CHRNB3: variants seen among roughly 807,000 people sequenced by gnomAD.
The protein encoded by CHRNB3 is neuronal acetylcholine receptor subunit beta-3.
CHRNB3 carries 37 observed loss-of-function variants against 40.6 expected under a neutral mutation model. The observed-to-expected ratio is 0.91, with a 90% CI of 0.70 to 1.20. CHRNB3 has a LOEUF of 1.20. Ranked by LOEUF, CHRNB3 falls within the 50% of genes most tolerant of loss-of-function variation. CHRNB3 has a pLI of 0.00. For synonymous variants in CHRNB3, 207 were observed against 207.1 expected, an observed-to-expected ratio of 1.00 and a Z score of 0.00; for missense variants, 505 against 551.2, an observed-to-expected ratio of 0.92 and a Z score of 0.84.
chr8:42,724,797 G>A (rs574626777), intron 3 of CHRNB3, among the ~76,000 whole-genome samples: 6 of 152,074 alleles, frequency 3.9e-5, no homozygotes, highest in Admixed American at 2.0e-4. Context: ...TGGCCAACAC[G>A]GTGAAACCCC....
intron 5 of CHRNB3, among the ~76,000 whole-genome samples, chr8:42,735,824 G>A (rs1353227040): frequency 6.6e-6 from 1 of 152,074 alleles, no homozygotes; most frequent in African/African-American, 2.4e-5. Context: ...CAGCACAGGT[G>A]GAGTGGAAGA....
chr8:42,699,222 A>G (rs1815733605), intron 1 of CHRNB3, among the ~76,000 whole-genome samples: 1 of 152,236 alleles, frequency 6.6e-6, no homozygotes, highest in South Asian at 2.1e-4. Context: ...TTTGGTAAAA[A>G]GGAGCCTTGG....
chr8:42,713,338 C>T (rs975118027), intron 3 of CHRNB3, among the ~76,000 whole-genome samples: 1 of 152,004 alleles, frequency 6.6e-6, no homozygotes, highest in Non-Finnish European at 1.5e-5. Context: ...AAGGACTTCC[C>T]ACAAAGTGTG....
chr8:42,731,914 A>G lies in CHRNB3; in HGVS notation c.607A>G (p.Ile203Val). Residue 203 changes from isoleucine (I) to valine (V), a missense_variant, in exon 5 of 6, where the codon ATA becomes GTA. By Grantham distance (29) the Ile-to-Val change is conservative (BLOSUM62 3). Coordinates refer to ENST00000289957, the MANE Select transcript of CHRNB3 (RefSeq NM_000749.5). Reference protein sequence around the residue: ...KDFFDNGEWEILNAKGMKGNR... With the variant: ...KDFFDNGEWEVLNAKGMKGNR... ...CTTCTTCGATAACGGAGAATGGGAA[A>G]TACTGAACGCAAAGGGGATGAAGGG... The G allele has an allele frequency of 1.9e-6, 3 of 1,614,178 alleles. No homozygotes were observed. Among genetic ancestry groups the G allele is most frequent in the African/African-American group, 2.7e-5 (2 of 75,030 alleles).
At chr8:42,698,680 G>A (rs1209084867) in intron 1 of CHRNB3, among the ~76,000 whole-genome samples, 1 of 152,182 alleles carries the variant, frequency 6.6e-6, no homozygotes, top group Non-Finnish European at 1.5e-5. Flanking sequence ...ACTTTTCAAA[G>A]TCTTGAATGC....
At position 42,731,931 on chromosome 8, in the gene CHRNB3, G is replaced by A; in HGVS notation, c.624G>A (p.Gly208=). The change falls in exon 5 of 6, where the codon GGG becomes GGA. Residue 208 remains glycine (G), a synonymous_variant. Transcript: ENST00000289957. ...AATGGGAAATACTGAACGCAAAGGG[G>A]ATGAAGGGGAACAGAAGGGACGGCG... ...NGEWEILNAK[G]MKGNRRDGVY... is the part of the protein sequence containing the mutation. 5.6e-6 allele frequency: 9 copies of A among 1,614,172 alleles called. No homozygotes were observed. Among genetic ancestry groups the A allele is most frequent in the Non-Finnish European group, 7.6e-6 (9 of 1,180,046 alleles).
At chr8:42,727,733 TGCACCTGTA>T (rs1455579586) in intron 3 of CHRNB3, among the ~76,000 whole-genome samples, 3 of 152,058 alleles carry the variant, frequency 2.0e-5, no homozygotes, top group Non-Finnish European at 4.4e-5. Flanking sequence ...CATGGTGGTG[TGCACCTGTA>T]GTCTCAGCTA....
At chr8:42,735,875 T>A (rs946806608) in intron 5 of CHRNB3, among the ~76,000 whole-genome samples, 1 of 152,130 alleles carries the variant, frequency 6.6e-6, no homozygotes, top group Admixed American at 6.5e-5. Context: ...ACTCTTAAAT[T>A]ATAAACTTGT....
chr8:42,731,727 T>A lies in CHRNB3; in HGVS notation c.420T>A (p.Thr140=), dbSNP rs1336401437. 1 of 1,613,946 alleles carries A rather than the reference T, an allele frequency of 6.2e-7. No homozygotes were observed. The highest frequency in any genetic ancestry group is 2.2e-5 in the East Asian group (1 of 44,894). Residue 140 remains threonine (T), a synonymous_variant, in exon 5 of 6, where the codon ACT becomes ACA. Transcript: ENST00000289957. ...AGGTCATCGTGAAATCAAACGGAAC[T>A]GTTGTCTGGACCCCTCCCGCCAGCT... ...MTKVIVKSNG[T]VVWTPPASYK...
At chr8:42,704,879 C>T (rs2128904671) in intron 1 of CHRNB3, among the ~76,000 whole-genome samples, 1 of 152,270 alleles carries the variant, frequency 6.6e-6, no homozygotes, top group Admixed American at 6.5e-5. Context: ...GCCATCAGGG[C>T]TGTGTTCAGA....
chr8:42,723,326 T>C (rs1301229561), intron 3 of CHRNB3, among the ~76,000 whole-genome samples: 1 of 152,196 alleles, frequency 6.6e-6, no homozygotes, highest in African/African-American at 2.4e-5. Context: ...TTTTCTGTTC[T>C]ATCATTGTTT....
intron 1 of CHRNB3, among the ~76,000 whole-genome samples, chr8:42,703,458 A>ATATATATATATATATATATATATG (rs1563606411): frequency 1.6e-4 from 20 of 123,756 alleles, no homozygotes; most frequent in South Asian, 2.8e-4. Context: ...ATATATATAT[A>ATATATATATATATATATATATATG]TATGTATCCA....
intron 1 of CHRNB3, among the ~76,000 whole-genome samples, chr8:42,706,947 CA>C (rs777777408): frequency 5.9e-5 from 9 of 151,976 alleles, no homozygotes; most frequent in Non-Finnish European, 7.4e-5. Flanking sequence ...TTTTGTAATA[CA>C]GGGTCTTCCT....
chr8:42,733,454 G>A (rs535394183), intron 5 of CHRNB3, among the ~76,000 whole-genome samples: 2 of 152,126 alleles, frequency 1.3e-5, no homozygotes, highest in South Asian at 4.2e-4. Context: ...ATCCTACCTT[G>A]AAAAGTTTGT....
chr8:42,713,008 C>T (rs1034901163), intron 3 of CHRNB3, among the ~76,000 whole-genome samples: 21 of 151,930 alleles, frequency 1.4e-4, no homozygotes, highest in Admixed American at 1.1e-3. Context: ...ACTACAGGCA[C>T]GTGCCACCAT....
At chr8:42,723,803 A>G (rs1002839717) in intron 3 of CHRNB3, among the ~76,000 whole-genome samples, 1 of 152,200 alleles carries the variant, frequency 6.6e-6, no homozygotes, top group African/African-American at 2.4e-5. Context: ...ATTATATTTT[A>G]GTCCGGTTGT....
chr8:42,723,395 A>G (rs1350824028), intron 3 of CHRNB3, among the ~76,000 whole-genome samples: 1 of 152,076 alleles, frequency 6.6e-6, no homozygotes, highest in African/African-American at 2.4e-5. Flanking sequence ...TAGCCTGAGT[A>G]CACCATTGTG....
intron 1 of CHRNB3, among the ~76,000 whole-genome samples, chr8:42,704,899 G>A (rs1815895358): frequency 6.6e-6 from 1 of 152,220 alleles, no homozygotes; most frequent in African/African-American, 2.4e-5. Context: ...ATGCCTGTCA[G>A]TGGCTACAGT....
intron 2 of CHRNB3, 54 bp from the exon 3 acceptor site, chr8:42,710,336 C>T (rs1398416073): frequency 7.2e-7 from 1 of 1,379,930 alleles, no homozygotes; most frequent in South Asian, 1.2e-5. Context: ...CAACAAAAAT[C>T]ACAACTTATT....
Sources: allele counts gnomAD v4.1 joint callset (sites outside exome capture counted in the v4.1 genomes callset), GRCh38; gene constraint gnomAD v4.1.1; transcripts MANE v1.5; gene names NCBI Gene and HGNC (gene_info 2026-07-23, HGNC 2026-07-21).